The following CCR6 variants were observed in gnomAD, a reference collection of about 807,000 sequenced individuals.
CCR6 encodes the protein C-C motif chemokine receptor 6.
A neutral mutation model predicts 3.0 loss-of-function variants in CCR6; 2 were observed. That is an observed-to-expected ratio of 0.66 (90% confidence interval 0.27 to 2.07). CCR6 has a LOEUF of 2.07. Among genes scored for constraint, CCR6 ranks in the 30% most tolerant of loss-of-function variants. The probability of loss-of-function intolerance (pLI) is 0.14; values close to 1 mark genes in which losing one functional copy is unlikely to be tolerated. For missense variants in CCR6, 322 were observed against 462.8 expected, an observed-to-expected ratio of 0.70 and a Z score of 2.79; for synonymous variants, 193 against 184.3, an observed-to-expected ratio of 1.05 and a Z score of -0.38.
chr6:167,129,898 T>C lies in CCR6; in HGVS notation c.-97-6140T>C, dbSNP rs1007266500. Among the ~76,000 whole-genome samples, 15 of 151,796 alleles carry C rather than the reference T, an allele frequency of 9.9e-5. 2 individuals carry two copies. The highest frequency in any genetic ancestry group is 3.2e-4 in the African/African-American group (13 of 41,068). ...GCAGCTGAATATTGGAAAAGAAGCC[T>C]CTTAACTGCAAAACCGAATTGAGTC... On this transcript the variant is annotated intron_variant, in intron 1 of 2. Transcript: ENST00000341935.
chr6:167,130,994 C>CCTCCCTCCGGGACTCT (rs397736920), intron 1 of CCR6, among the ~76,000 whole-genome samples: 1 of 66,366 alleles, frequency 1.5e-5, no homozygotes, highest in South Asian at 5.4e-4. Flanking sequence ...TCTGGACCCC[C>CCTCCCTCCGGGACTCT]TCCCTTTGGG....
chr6:167,128,244 G>A (rs1402195852), intron 1 of CCR6, among the ~76,000 whole-genome samples: 1 of 152,248 alleles, frequency 6.6e-6, no homozygotes, highest in African/African-American at 2.4e-5. Context: ...ACAGGTTCTG[G>A]TGCCTGTGTC....
chr6:167,122,598 C>T (rs1035910625), upstream of CCR6, among the ~76,000 whole-genome samples: 3 of 152,180 alleles, frequency 2.0e-5, no homozygotes, highest in African/African-American at 4.8e-5. The surrounding 1 kb of genome is among the most constrained non-coding windows in gnomAD (Gnocchi z 4.2). Context: ...GGCTATTTCT[C>T]GGAACCCTCT....
chr6:167,122,559 G>A (rs1409560064), upstream of CCR6, among the ~76,000 whole-genome samples: 2 of 152,172 alleles, frequency 1.3e-5, no homozygotes, highest in South Asian at 2.1e-4. This position sits in a 1 kb window ranked among gnomAD's most constrained non-coding sequence, Gnocchi z 4.2. Flanking sequence ...TCCTTCAGGC[G>A]CTGCTCCTCG....
intron 1 of CCR6, among the ~76,000 whole-genome samples, chr6:167,134,400 A>T (rs979716286): frequency 2.0e-5 from 3 of 152,048 alleles, no homozygotes; most frequent in South Asian, 2.1e-4. Context: ...TGCAGAGGTG[A>T]CTCCATACCT....
Position 167,136,149 on chromosome 6 carries a change from A to T in CCR6, c.9+6A>T. 2.5e-6 allele frequency: 4 copies of T among 1,613,688 alleles called. No homozygotes were observed. Among genetic ancestry groups the T allele is most frequent in the Non-Finnish European group, 3.4e-6 (4 of 1,179,910 alleles). ...TTCTGCCCACAATGAGCGGGGTAAG[A>T]TTTTTATTTTTGGCAAGGGGTATAA... On this transcript the variant is annotated splice_donor_region_variant and intron_variant, in intron 2 of 2. Transcript: ENST00000341935. This position sits in a 1 kb window ranked among gnomAD's most constrained non-coding sequence, Gnocchi z 4.6.
intron 1 of CCR6, among the ~76,000 whole-genome samples, chr6:167,134,020 T>C (rs574541486): frequency 1.1e-4 from 17 of 149,736 alleles, no homozygotes; most frequent in African/African-American, 4.2e-4. Flanking sequence ...ATTTTACATA[T>C]TGTATATTTC....
chr6:167,137,408 G>T lies in CCR6; in HGVS notation c.*53G>T, dbSNP rs533011104. The T allele has an allele frequency of 5.3e-6, 8 of 1,512,790 alleles. No individual in the cohort carries two copies. In the African/African-American group the frequency reaches 1.1e-4, roughly 21 times the overall value. 93.7% of individuals were successfully genotyped at this position (1,512,790 alleles called of 1,614,324 possible). A position where few individuals can be genotyped will look rare whatever the true frequency, so the allele number is the denominator to read the frequency against. On this transcript the variant is annotated 3_prime_UTR_variant, in exon 3 of 3. Coordinates refer to ENST00000341935, the MANE Select transcript of CCR6 (RefSeq NM_031409.4). This position sits in a 1 kb window ranked among gnomAD's most constrained non-coding sequence, Gnocchi z 4.6. ...TGTGAAACATACTCATAGATGTTATGCAAAAAAAAGTCTATGGCCAGGTAT... is the reference window on the plus strand; with the variant it reads ...TGTGAAACATACTCATAGATGTTATTCAAAAAAAAGTCTATGGCCAGGTAT...
At chr6:167,112,163 G>A (rs1781425212) in intron 1 of CCR6, 2 of 152,260 alleles carry the variant, frequency 1.3e-5, no homozygotes, top group East Asian at 1.9e-4. Context: ...GGCTACTTTA[G>A]TCATCCCAAA....
chr6:167,137,413 A>G lies in CCR6; in HGVS notation c.*58A>G, dbSNP rs950059260. 3 of 1,510,664 alleles carry G rather than the reference A, an allele frequency of 2.0e-6. No homozygotes were observed. The African/African-American group carries it at 4.2e-5, about 21-fold the overall frequency. 93.6% of individuals were successfully genotyped at this position (1,510,664 alleles called of 1,614,324 possible). A position where few individuals can be genotyped will look rare whatever the true frequency, so the allele number is the denominator to read the frequency against. Reference sequence around the variant, plus strand: ...AACATACTCATAGATGTTATGCAAAAAAAAGTCTATGGCCAGGTATGCATG... The same window carrying G: ...AACATACTCATAGATGTTATGCAAAGAAAAGTCTATGGCCAGGTATGCATG... On this transcript the variant is annotated 3_prime_UTR_variant, in exon 3 of 3. Transcript: ENST00000341935. The surrounding 1 kb of genome is among the most constrained non-coding windows in gnomAD (Gnocchi z 4.6).
rs145768514 is a variant in CCR6 at position 167,136,267 on chromosome 6, G to T, written c.37G>T (p.Asp13Tyr). 1 of 1,606,028 alleles carries T rather than the reference G, an allele frequency of 6.2e-7. No homozygotes were observed. Among genetic ancestry groups the T allele is most frequent in the Non-Finnish European group, 8.5e-7 (1 of 1,175,474 alleles). ...ATCAATGAATTTCAGCGATGTTTTC[G>T]ACTCCAGTGAAGATTATTTTGTGTC... ...GESMNFSDVF[D>Y]SSEDYFVSVN... The change falls in exon 3 of 3, where the codon GAC becomes TAC. Residue 13 changes from aspartate to tyrosine, a missense_variant. Coordinates refer to ENST00000341935, the MANE Select transcript of CCR6 (RefSeq NM_031409.4). This position sits in a 1 kb window ranked among gnomAD's most constrained non-coding sequence, Gnocchi z 4.6.
chr6:167,112,038 A>T (rs1239645350), intron 1 of CCR6: 2 of 152,236 alleles, frequency 1.3e-5, no homozygotes, highest in East Asian at 3.8e-4. Flanking sequence ...TTGTCTTGGA[A>T]CTTAGAAAAT....
At chr6:167,125,391 T>TC (rs1781655249) in intron 1 of CCR6, among the ~76,000 whole-genome samples, 2 of 152,180 alleles carry the variant, frequency 1.3e-5, no homozygotes, top group Admixed American at 1.3e-4. Context: ...TGTTGCTTGG[T>TC]CCCCCCAACC....
chr6:167,122,916 A>G (rs1481768021), upstream of CCR6: 1 of 152,348 alleles, frequency 6.6e-6, no homozygotes, highest in Non-Finnish European at 1.5e-5. The surrounding 1 kb of genome is among the most constrained non-coding windows in gnomAD (Gnocchi z 4.2). Flanking sequence ...GGGGAGTTCA[A>G]TGCCTCTCTT....
intron 1 of CCR6, among the ~76,000 whole-genome samples, chr6:167,124,085 C>T (rs1034399402): frequency 3.3e-5 from 5 of 152,080 alleles, no homozygotes; most frequent in Admixed American, 6.5e-5. Flanking sequence ...GCACTCCAGC[C>T]GGAGATCAGC....
chr6:167,138,864 G>C lies in CCR6; in HGVS notation c.*1509G>C, dbSNP rs1321798532. ...GAATCGCTTGAACCCAGGAGGCAGAGGTTGCAGTGAGCCGAGATCGTGCCA... is the reference window on the plus strand; with the variant it reads ...GAATCGCTTGAACCCAGGAGGCAGACGTTGCAGTGAGCCGAGATCGTGCCA... On this transcript the variant is annotated 3_prime_UTR_variant, in exon 3 of 3. Coordinates refer to ENST00000341935, the MANE Select transcript of CCR6 (RefSeq NM_031409.4). The C allele has an allele frequency of 1.4e-5, 2 of 147,178 alleles. No individual in the cohort carries two copies. The highest frequency in any genetic ancestry group is 3.0e-5 in the Non-Finnish European group (2 of 67,416). 9.1% of individuals were successfully genotyped at this position (147,178 alleles called of 1,614,324 possible).
At chr6:167,132,527 C>CTGTGTG (rs986265286) in intron 1 of CCR6, among the ~76,000 whole-genome samples, 3 of 150,778 alleles carry the variant, frequency 2.0e-5, no homozygotes, top group Non-Finnish European at 4.4e-5. Context: ...GTGTGTGTGT[C>CTGTGTG]TGTGTGTGTG....
At chr6:167,120,031 G>A (rs576790956), upstream of CCR6, among the ~76,000 whole-genome samples, 3 of 152,294 alleles carry the variant, frequency 2.0e-5, no homozygotes, top group East Asian at 5.8e-4. Flanking sequence ...TACTTCAGAA[G>A]TTTTGTGCGC....
chr6:167,123,972 C>A (rs1266278055), intron 1 of CCR6, among the ~76,000 whole-genome samples: 1 of 152,030 alleles, frequency 6.6e-6, no homozygotes, highest in African/African-American at 2.4e-5. Context: ...ATTAGCCAGG[C>A]ATTGTGGCAT....
Sources: allele counts gnomAD v4.1 joint callset (sites outside exome capture counted in the v4.1 genomes callset), GRCh38; gene constraint gnomAD v4.1.1; non-coding constraint Gnocchi (gnomAD v3.1); transcripts MANE v1.5; gene names NCBI Gene and HGNC (gene_info 2026-07-23, HGNC 2026-07-21).